The following PTCHD4 variants were observed in gnomAD, a reference collection of about 807,000 sequenced individuals.
The protein encoded by PTCHD4 is patched domain containing 4.
In PTCHD4, 33 loss-of-function variants were observed where a neutral mutation model predicts 58.1. The ratio of observed to expected loss-of-function variants is 0.57; its 90% confidence interval spans 0.43 to 0.76. PTCHD4 has a LOEUF of 0.76. PTCHD4 is among the 30% of genes least tolerant of loss of function. The pLI is 0.00. For missense variants in PTCHD4, 1,058 were observed against 1,027.1 expected (o/e 1.03, Z -0.41); for synonymous variants, 478 against 409.6 (o/e 1.17, Z -2.02).
intron 4 of PTCHD4, among the ~76,000 whole-genome samples, chr6:47,955,194 A>G (rs1357661805): frequency 6.6e-6 from 1 of 152,240 alleles, no homozygotes; most frequent in African/African-American, 2.4e-5. Flanking sequence ...GCAATAGGTA[A>G]CTGAAACAAT....
intron 4 of PTCHD4, among the ~76,000 whole-genome samples, chr6:47,920,557 C>T (rs1310524942): frequency 1.3e-5 from 2 of 152,078 alleles, no homozygotes; most frequent in African/African-American, 4.8e-5. Context: ...AATTGTCATC[C>T]AATATTGGAT....
intron 3 of PTCHD4, among the ~76,000 whole-genome samples, chr6:48,014,984 G>T (rs1033805439): frequency 1.7e-4 from 26 of 152,140 alleles, no homozygotes; most frequent in African/African-American, 6.3e-4. Context: ...TTCCAATGTC[G>T]TCCTCTCCAC....
intron 3 of PTCHD4, among the ~76,000 whole-genome samples, chr6:48,066,890 T>C (rs559729113): frequency 6.6e-6 from 1 of 152,168 alleles, no homozygotes; most frequent in South Asian, 2.1e-4. Context: ...GGAAAAAGAT[T>C]TTTTCTCTCA....
intron 4 of PTCHD4, among the ~76,000 whole-genome samples, chr6:47,983,965 C>A (rs1767976464): frequency 6.6e-6 from 1 of 152,028 alleles, no homozygotes; most frequent in Non-Finnish European, 1.5e-5. Context: ...ATTTCATTCC[C>A]ATTGTAATAC....
At chr6:47,900,152 G>T (rs1764651203) in intron 4 of PTCHD4, 2 of 152,068 alleles carry the variant, frequency 1.3e-5, no homozygotes, top group Admixed American at 1.3e-4. Flanking sequence ...ACCTAGCAGT[G>T]GAATTACTGA....
chr6:47,981,743 T>G (rs1767889263), intron 4 of PTCHD4, among the ~76,000 whole-genome samples: 1 of 152,194 alleles, frequency 6.6e-6, no homozygotes, highest in Admixed American at 6.5e-5. Context: ...TCACTAAATC[T>G]GCTTGTTACT....
At chr6:48,073,554 T>C (rs1448243449) in intron 1 of PTCHD4, among the ~76,000 whole-genome samples, 3 of 152,196 alleles carry the variant, frequency 2.0e-5, no homozygotes, top group African/African-American at 7.2e-5. Flanking sequence ...CAAAGCTCAG[T>C]GGAATAAAAC....
Position 47,866,913 on chromosome 6 carries a change from G to T in PTCHD4, c.*11390C>A, listed in dbSNP as rs1225272145. 6.6e-6 allele frequency among the ~76,000 whole-genome samples: 1 copy of T among 151,688 alleles called. No homozygotes were observed. The highest frequency in any genetic ancestry group is 1.5e-5 in the Non-Finnish European group (1 of 67,802). On this transcript the variant is annotated 3_prime_UTR_variant, in exon 5 of 5. Coordinates refer to ENST00000339488, the MANE Select transcript of PTCHD4 (RefSeq NM_001384253.1). ...GTCTTAAAATTTACATTTAGAAAAG[G>T]ATAGATGGGGAGAAAATCTATGCAG...
intron 4 of PTCHD4, among the ~76,000 whole-genome samples, chr6:47,880,314 A>G (rs1168703032): frequency 6.6e-6 from 1 of 152,190 alleles, no homozygotes; most frequent in Non-Finnish European, 1.5e-5. Flanking sequence ...GACCCTTAAC[A>G]TCATGTCAAG....
intron 4 of PTCHD4, among the ~76,000 whole-genome samples, chr6:47,880,429 G>A (rs1422436884): frequency 6.6e-6 from 1 of 152,102 alleles, no homozygotes; most frequent in Non-Finnish European, 1.5e-5. Context: ...ACTTAAAAAT[G>A]GCTCTAAACT....
intron 4 of PTCHD4, among the ~76,000 whole-genome samples, chr6:48,002,905 TA>T (rs1768791767): frequency 6.6e-6 from 1 of 152,176 alleles, no homozygotes; most frequent in Non-Finnish European, 1.5e-5. Context: ...TCTATATTGC[TA>T]AATCAGATGG....
chr6:48,080,421 C>T (rs1016100363), intron 1 of PTCHD4, among the ~76,000 whole-genome samples: 3 of 152,120 alleles, frequency 2.0e-5, no homozygotes, highest in Non-Finnish European at 2.9e-5. Flanking sequence ...TGTGATGAAA[C>T]GTCTTTCTGT....
chr6:47,929,634 T>C (rs2113902499), intron 4 of PTCHD4, among the ~76,000 whole-genome samples: 1 of 152,368 alleles, frequency 6.6e-6, no homozygotes, highest in Non-Finnish European at 1.5e-5. Context: ...ATTATTATTT[T>C]CCAGAGAGGA....
chr6:48,093,836 A>G (rs1765411849), intron 1 of PTCHD4, among the ~76,000 whole-genome samples: 1 of 152,192 alleles, frequency 6.6e-6, no homozygotes, highest in Admixed American at 6.5e-5. Context: ...AAGCTTTTAC[A>G]TCTCCTTTGA....
At chr6:48,024,085 T>C (rs925771088) in intron 3 of PTCHD4, among the ~76,000 whole-genome samples, 25 of 152,224 alleles carry the variant, frequency 1.6e-4, no homozygotes, top group Non-Finnish European at 3.1e-4. Context: ...GTCTAGCTCA[T>C]AAGCTTTATT....
chr6:47,885,789 G>A (rs1394679328), intron 4 of PTCHD4, among the ~76,000 whole-genome samples: 1 of 152,110 alleles, frequency 6.6e-6, no homozygotes, highest in East Asian at 1.9e-4. Context: ...AAAACTCTCT[G>A]GTGACGTAGT....
intron 4 of PTCHD4, among the ~76,000 whole-genome samples, chr6:47,952,801 T>C (rs572715027): frequency 6.6e-6 from 1 of 152,126 alleles, no homozygotes; most frequent in South Asian, 2.1e-4. Flanking sequence ...CTGTACGGTG[T>C]TTGCACAGTG....
intron 3 of PTCHD4, among the ~76,000 whole-genome samples, chr6:48,016,332 A>C (rs1170266235): frequency 6.6e-6 from 1 of 152,024 alleles, no homozygotes; most frequent in Admixed American, 6.6e-5. Flanking sequence ...ATCCTTCAAT[A>C]CAAATCCATT....
At position 47,965,837 on chromosome 6, in the gene PTCHD4, C is replaced by T. The variant is rs141058292; in HGVS notation, c.898+42797G>A. 2.9e-3 allele frequency among the ~76,000 whole-genome samples: 449 copies of T among 152,220 alleles called. 3 individuals are homozygous for T. The highest frequency in any genetic ancestry group is 0.01 in the African/African-American group (425 of 41,528). On this transcript the variant is annotated intron_variant, in intron 4 of 4. Coordinates refer to ENST00000339488, the MANE Select transcript of PTCHD4 (RefSeq NM_001384253.1). ...GGCTGAGGCAGGAGAATGGCATGAA[C>T]CCGGGAGGCGGGGCTTGCAGTGAGC...
Sources: gnomAD v4.1 joint callset for allele counts (sites outside exome capture counted in the v4.1 genomes callset) on GRCh38, gnomAD v4.1.1 for gene constraint, MANE v1.5 for transcripts, NCBI Gene and HGNC (gene_info 2026-07-23, HGNC 2026-07-21) for gene names.